CMTM8: variants seen among roughly 807,000 people sequenced by gnomAD.
The protein encoded by CMTM8 is CKLF-like MARVEL transmembrane domain-containing protein 8.
Under a neutral mutation model 18.6 loss-of-function variants are expected in CMTM8, and 12 were observed. The observed-to-expected ratio is 0.65, with a 90% CI of 0.41 to 1.05. The LOEUF (loss-of-function observed/expected upper bound fraction) is 1.05, where lower values mean the gene tolerates loss of function less well. CMTM8 is among the 50% of genes least tolerant of loss of function. The pLI, the probability that CMTM8 is intolerant of heterozygous loss-of-function variation, is 0.00. For missense variants in CMTM8, 217 were observed against 227.2 expected, an observed-to-expected ratio of 0.95 and a Z score of 0.29; for synonymous variants, 87 against 90.6, an observed-to-expected ratio of 0.96 and a Z score of 0.23.
chr3:32,268,883 T>G (rs1431462796), intron 1 of CMTM8, among the ~76,000 whole-genome samples: 1 of 152,210 alleles, frequency 6.6e-6, no homozygotes, highest in African/African-American at 2.4e-5. Context: ...CTTCATCTAT[T>G]CAAAATTATA....
chr3:32,334,103 G>A (rs934110186), intron 1 of CMTM8, among the ~76,000 whole-genome samples: 12 of 151,378 alleles, frequency 7.9e-5, no homozygotes, highest in Admixed American at 3.3e-4. Context: ...CTAAGCCTCC[G>A]GAGTAGCTGG....
chr3:32,292,063 C>T (rs1702788107), intron 1 of CMTM8, among the ~76,000 whole-genome samples: 1 of 152,154 alleles, frequency 6.6e-6, no homozygotes, highest in Non-Finnish European at 1.5e-5. Context: ...TCCGGATCAA[C>T]CTTGTGGTTT....
At chr3:32,256,411 A>G (rs979933804) in intron 1 of CMTM8, among the ~76,000 whole-genome samples, 2 of 152,086 alleles carry the variant, frequency 1.3e-5, no homozygotes, top group Non-Finnish European at 2.9e-5. Context: ...GTCTGGTAGT[A>G]TCTAAACAGG....
At chr3:32,247,526 A>C (rs1361856926) in intron 1 of CMTM8, among the ~76,000 whole-genome samples, 1 of 151,850 alleles carries the variant, frequency 6.6e-6, no homozygotes, top group Non-Finnish European at 1.5e-5. Context: ...GAGTTTCACC[A>C]TGTTGGCTAG....
At chr3:32,299,640 T>C (rs1695574765) in intron 1 of CMTM8, among the ~76,000 whole-genome samples, 1 of 152,196 alleles carries the variant, frequency 6.6e-6, no homozygotes, top group African/African-American at 2.4e-5. Flanking sequence ...TCAGTTATAC[T>C]CTTCTTTATT....
intron 2 of CMTM8, among the ~76,000 whole-genome samples, chr3:32,364,426 C>T (rs1696991543): frequency 6.6e-6 from 1 of 152,124 alleles, no homozygotes; most frequent in African/African-American, 2.4e-5. Context: ...ATCGCTTGAA[C>T]CTGAGAGGCA....
intron 1 of CMTM8, among the ~76,000 whole-genome samples, chr3:32,266,725 C>T (rs534026794): frequency 0.072 from 10,905 of 152,250 alleles, 478 homozygotes; most frequent in African/African-American, 0.12. Context: ...AGCCCAAAAT[C>T]TCCTTAAGCT....
chr3:32,322,328 A>T (rs1277639152), intron 1 of CMTM8, among the ~76,000 whole-genome samples: 1 of 152,100 alleles, frequency 6.6e-6, no homozygotes, highest in Non-Finnish European at 1.5e-5. Context: ...TCATCTTTCA[A>T]ATATTCTTTA....
intron 1 of CMTM8, among the ~76,000 whole-genome samples, chr3:32,265,139 A>G (rs1702316868): frequency 6.6e-6 from 1 of 152,342 alleles, no homozygotes; most frequent in East Asian, 1.9e-4. Flanking sequence ...CCCCAAATCA[A>G]CAGAATATAC....
At chr3:32,272,122 C>T (rs1014536435) in intron 1 of CMTM8, among the ~76,000 whole-genome samples, 3 of 152,112 alleles carry the variant, frequency 2.0e-5, no homozygotes, top group African/African-American at 7.2e-5. Flanking sequence ...TTATTTTTGT[C>T]TCAGTGCATT....
chr3:32,290,275 T>A (rs1456841583), intron 1 of CMTM8, among the ~76,000 whole-genome samples: 1 of 152,170 alleles, frequency 6.6e-6, no homozygotes, highest in Non-Finnish European at 1.5e-5. Flanking sequence ...AATAAACAGT[T>A]TGCAAATATT....
intron 1 of CMTM8, among the ~76,000 whole-genome samples, chr3:32,336,702 C>T (rs1406023942): frequency 6.6e-6 from 1 of 152,182 alleles, no homozygotes; most frequent in Non-Finnish European, 1.5e-5. Flanking sequence ...TTTATAGGGA[C>T]TCTTGCCTCT....
chr3:32,349,375 A>G (rs1447744548), intron 1 of CMTM8, among the ~76,000 whole-genome samples: 2 of 151,992 alleles, frequency 1.3e-5, no homozygotes, highest in Non-Finnish European at 2.9e-5. Flanking sequence ...CAGTATTCTT[A>G]GAACCAAGCA....
In CMTM8 at chr3:32,361,405, C is replaced by T. The variant is rs115208945; in HGVS notation, c.321+3859C>T. On this transcript the variant is annotated intron_variant, in intron 2 of 3. Coordinates refer to ENST00000307526, the MANE Select transcript of CMTM8 (RefSeq NM_178868.5). Reference sequence around the variant, plus strand: ...GTAATGAGACAAATTAATGTTTCTGCAACAACACGTGGATTTTCCTGCTAA... The same window carrying T: ...GTAATGAGACAAATTAATGTTTCTGTAACAACACGTGGATTTTCCTGCTAA... Among the ~76,000 whole-genome samples, 337 of 150,844 alleles carry T rather than the reference C, an allele frequency of 2.2e-3. 3 individuals carry two copies. Among genetic ancestry groups the T allele is most frequent in the African/African-American group, 8.0e-3 (328 of 41,150 alleles).
chr3:32,335,992 C>A (rs1174996454), intron 1 of CMTM8, among the ~76,000 whole-genome samples: 2 of 152,210 alleles, frequency 1.3e-5, no homozygotes, highest in African/African-American at 4.8e-5. Flanking sequence ...GTGGGAGAGG[C>A]CCTCCAGGGC....
chr3:32,268,682 C>T (rs1368766735), intron 1 of CMTM8, among the ~76,000 whole-genome samples: 2 of 151,862 alleles, frequency 1.3e-5, no homozygotes, highest in Non-Finnish European at 2.9e-5. Flanking sequence ...ATGATCTAGA[C>T]ACCATCATGA....
intron 1 of CMTM8, among the ~76,000 whole-genome samples, chr3:32,336,128 G>A (rs1444340532): frequency 6.6e-6 from 1 of 152,240 alleles, no homozygotes; most frequent in East Asian, 1.9e-4. Flanking sequence ...TTTCTTTTGA[G>A]ATTGACATTA....
At chr3:32,316,930 T>A (rs1575173571) in intron 1 of CMTM8, among the ~76,000 whole-genome samples, 1 of 152,196 alleles carries the variant, frequency 6.6e-6, no homozygotes, top group Non-Finnish European at 1.5e-5. Context: ...AATTTACTCC[T>A]AAAAATGCAG....
At chr3:32,249,768 A>G (rs941439371) in intron 1 of CMTM8, among the ~76,000 whole-genome samples, 2 of 152,236 alleles carry the variant, frequency 1.3e-5, no homozygotes, top group African/African-American at 2.4e-5. Flanking sequence ...TTCTTTATAC[A>G]TTCTGGGATA....
Sources: allele counts gnomAD v4.1 joint callset (sites outside exome capture counted in the v4.1 genomes callset), GRCh38; gene constraint gnomAD v4.1.1; transcripts MANE v1.5; gene names NCBI Gene and HGNC (gene_info 2026-07-23, HGNC 2026-07-21).